The following RRP1B variants were observed in gnomAD, a reference collection of about 807,000 sequenced individuals.
RRP1B encodes the protein ribosomal RNA processing 1B.
RRP1B carries 56 observed loss-of-function variants against 80.2 expected under a neutral mutation model. The ratio of observed to expected loss-of-function variants is 0.70; its 90% CI spans 0.56 to 0.87. The LOEUF is 0.87. RRP1B is among the 40% of genes least tolerant of loss of function. The pLI is 0.00. For missense variants in RRP1B, 807 were observed against 939.8 expected, an observed-to-expected ratio of 0.86 and a Z score of 1.85; for synonymous variants, 351 against 357.6, an observed-to-expected ratio of 0.98 and a Z score of 0.21.
At position 43,663,327 on chromosome 21, in the gene RRP1B, G is replaced by A. The variant is rs998854910; in HGVS notation, c.130+3533G>A. ...TTCACCCAGGCTGAAGTGCAACAGC[G>A]CGATCTCTGCTAACTGCAACCTCCA... On this transcript the variant is annotated intron_variant, in intron 1 of 15. Coordinates refer to ENST00000340648, the MANE Select transcript of RRP1B (RefSeq NM_015056.3). Among the ~76,000 whole-genome samples, 4 of 152,130 alleles carry A rather than the reference G, an allele frequency of 2.6e-5. No homozygotes were observed. In the East Asian group the frequency reaches 5.8e-4, roughly 22 times the overall value.
rs930165378 is a variant in RRP1B at position 43,695,238 on chromosome 21, A to T, written c.*1855A>T. 6.6e-6 allele frequency: 1 copy of T among 152,188 alleles called. No individual in the cohort carries two copies. Among genetic ancestry groups the T allele is most frequent in the Non-Finnish European group, 1.5e-5 (1 of 68,040 alleles). 9.4% of individuals were successfully genotyped at this position (152,188 alleles called of 1,614,324 possible). A position where few individuals can be genotyped will look rare whatever the true frequency, so the allele number is the denominator to read the frequency against. On this transcript the variant is annotated 3_prime_UTR_variant, in exon 16 of 16. Transcript: ENST00000340648. ...TCTAACAATTTTTATTTCAGCTTTA[A>T]AGATGGGTCATATAGCCAAACGGGC...
intron 13 of RRP1B, 44 bp downstream of exon 13, chr21:43,688,284 C>T: frequency 6.8e-7 from 1 of 1,480,630 alleles, no homozygotes; most frequent in African/African-American, 1.4e-5. Context: ...CAGAGGCACT[C>T]ACTCGCGTCC....
chr21:43,680,280 C>T (rs1410250630), intron 8 of RRP1B, among the ~76,000 whole-genome samples: 1 of 152,140 alleles, frequency 6.6e-6, no homozygotes, highest in African/African-American at 2.4e-5. Flanking sequence ...ACAGGGTCGG[C>T]CGGGCGCGGT....
chr21:43,693,503 G>C lies in RRP1B; in HGVS notation c.*120G>C. On this transcript the variant is annotated 3_prime_UTR_variant, in exon 16 of 16. Transcript: ENST00000340648. This position sits in a 1 kb window ranked among gnomAD's most constrained non-coding sequence, Gnocchi z 4.1. ...AGTTCCCATAAGTTGTGTGCACGAG[G>C]TTCTGAGAGTGCCCGCAGGCTGCTG... 2.9e-6 allele frequency: 3 copies of C among 1,018,694 alleles called. No individual in the cohort carries two copies. Among genetic ancestry groups the C allele is most frequent in the East Asian group, 2.8e-5 (1 of 35,144 alleles). The allele number at this position is 1,018,694 out of a possible 1,614,324, so 63.1% of individuals were successfully genotyped here. A position where few individuals can be genotyped will look rare whatever the true frequency, so the allele number is the denominator to read the frequency against.
intron 1 of RRP1B, among the ~76,000 whole-genome samples, chr21:43,662,648 C>CA (rs2082962161): frequency 6.6e-6 from 1 of 151,964 alleles, no homozygotes; most frequent in East Asian, 1.9e-4. Flanking sequence ...CTTTAAGTAA[C>CA]AGTGTTGCGC....
intron 1 of RRP1B, among the ~76,000 whole-genome samples, chr21:43,666,514 T>C (rs563866250): frequency 1.9e-4 from 29 of 152,162 alleles, no homozygotes; most frequent in Admixed American, 8.5e-4. Flanking sequence ...GTCAAGAGAC[T>C]GAGACCATCC....
Position 43,693,452 on chromosome 21 carries a change from T to C in RRP1B, c.*69T>C. On this transcript the variant is annotated 3_prime_UTR_variant, in exon 16 of 16. Coordinates refer to ENST00000340648, the MANE Select transcript of RRP1B (RefSeq NM_015056.3). The surrounding 1 kb of genome is among the most constrained non-coding windows in gnomAD (Gnocchi z 4.1). ...GCGCTATAAATTATACCTTTAAGAA[T>C]GTGGGGCCTTTTTTATGATTTTGTA... The C allele has an allele frequency of 7.3e-7, 1 of 1,369,566 alleles. No homozygotes were observed. The highest frequency in any genetic ancestry group is 9.7e-7 in the Non-Finnish European group (1 of 1,035,568). The allele number at this position is 1,369,566 out of a possible 1,614,324, so 84.8% of individuals were successfully genotyped here. A position where few individuals can be genotyped will look rare whatever the true frequency, so the allele number is the denominator to read the frequency against.
Position 43,687,739 on chromosome 21 carries a change from G to A in RRP1B, c.1365G>A (p.Gly455=), listed in dbSNP as rs1171964646. Residue 455 remains glycine (G), a synonymous_variant, in exon 13 of 16, where the codon GGG becomes GGA. Transcript: ENST00000340648. The stretch of plus-strand genomic sequence containing the variant: ...GTGCAGAGGCCACGTCCAGCACTGG[G>A]GAGGAGAGTGGCTCCGAGCATCCTC... The part of the protein sequence containing the change: ...EPGAEATSST[G]EESGSEHPPA... 1 of 1,613,254 alleles carries A rather than the reference G, an allele frequency of 6.2e-7. No homozygotes were observed. Among genetic ancestry groups the A allele is most frequent in the Non-Finnish European group, 8.5e-7 (1 of 1,180,000 alleles).
At chr21:43,664,403 A>G (rs1431539536) in intron 1 of RRP1B, among the ~76,000 whole-genome samples, 1 of 152,140 alleles carries the variant, frequency 6.6e-6, no homozygotes, top group Non-Finnish European at 1.5e-5. Flanking sequence ...AAGTGAGACA[A>G]TTATTATTGT....
At chr21:43,675,232 A>G in intron 6 of RRP1B, 69 bp downstream of exon 6, 15 of 1,528,868 alleles carry the variant, frequency 9.8e-6, no homozygotes, top group Non-Finnish European at 1.3e-5. Flanking sequence ...TCGCCAGTGA[A>G]GTGCTGTGGG....
intron 8 of RRP1B, among the ~76,000 whole-genome samples, chr21:43,677,626 A>T (rs1312615608): frequency 6.6e-6 from 1 of 152,260 alleles, no homozygotes; most frequent in Non-Finnish European, 1.5e-5. Flanking sequence ...AAAGCAGGGT[A>T]CAAACTCTAC....
intron 14 of RRP1B, 51 bp downstream of exon 14, chr21:43,690,491 A>G: frequency 6.3e-7 from 1 of 1,591,832 alleles, no homozygotes; most frequent in Non-Finnish European, 8.6e-7. Flanking sequence ...AAGGGCACAG[A>G]TGGGCTTGAG....
intron 5 of RRP1B, 132 bp from the exon 6 acceptor site, chr21:43,674,902 T>A: frequency 1.5e-6 from 2 of 1,302,112 alleles, no homozygotes; most frequent in Non-Finnish European, 2.1e-6. Context: ...GCTTTTTTCC[T>A]TGTAAAATGA....
At chr21:43,667,102 T>C (rs1467353300) in intron 1 of RRP1B, among the ~76,000 whole-genome samples, 1 of 152,200 alleles carries the variant, frequency 6.6e-6, no homozygotes, top group Non-Finnish European at 1.5e-5. Context: ...GCGTTCTTCC[T>C]GTTGGCATCA....
chr21:43,684,592 A>G lies in RRP1B; in HGVS notation c.931A>G (p.Thr311Ala), dbSNP rs867276334. 6.2e-7 allele frequency: 1 copy of G among 1,614,154 alleles called. No homozygotes were observed. The highest frequency in any genetic ancestry group is 8.5e-7 in the Non-Finnish European group (1 of 1,180,032). ...KAVADRLLEMTSRKNTPHFNR... is the reference protein window; with the variant it reads ...KAVADRLLEMASRKNTPHFNR... ...TGTTGCTGATCGACTCCTGGAAATG[A>G]CCAGCAGGAAGAACACGCCCCACTT... is the stretch of plus-strand genomic sequence containing the variant. Residue 311 changes from threonine to alanine, a missense_variant, in exon 10 of 16, where the codon ACC becomes GCC. Physicochemically the swap from Thr to Ala is moderately conservative, Grantham distance 58 (BLOSUM62 0). Transcript: ENST00000340648.
At chr21:43,690,517 A>G in intron 14 of RRP1B, 77 bp downstream of exon 14, 3 of 1,516,342 alleles carry the variant, frequency 2.0e-6, no homozygotes, top group Non-Finnish European at 2.7e-6. Flanking sequence ...AGTGCTTCCC[A>G]TGCCGGGCCT....
chr21:43,681,394 C>T (rs1259650222), intron 8 of RRP1B, among the ~76,000 whole-genome samples: 10 of 145,440 alleles, frequency 6.9e-5, no homozygotes, highest in Non-Finnish European at 1.2e-4. Context: ...TCGCTCTTGT[C>T]GCCCAGGCTG....
chr21:43,675,418 C>G lies in RRP1B; in HGVS notation c.549+255C>G, dbSNP rs1392615023. On this transcript the variant is annotated intron_variant, in intron 6 of 15. Coordinates refer to ENST00000340648, the MANE Select transcript of RRP1B (RefSeq NM_015056.3). Reference sequence around the variant, plus strand: ...GACTCCACTAAAGAACTCACTAACACGGGGGAGTACTCAGGATCTAGGGAG... The same window carrying G: ...GACTCCACTAAAGAACTCACTAACAGGGGGGAGTACTCAGGATCTAGGGAG... Among the ~76,000 whole-genome samples the G allele has an allele frequency of 3.3e-5, 5 of 152,026 alleles. No homozygotes were observed. The South Asian group carries it at 1.0e-3, about 32-fold the overall frequency.
At chr21:43,662,441 C>G (rs898182336) in intron 1 of RRP1B, among the ~76,000 whole-genome samples, 2 of 152,228 alleles carry the variant, frequency 1.3e-5, no homozygotes, top group Admixed American at 1.3e-4. Context: ...TATGCCCCAT[C>G]ACAATTACAG....
Sources: gnomAD v4.1 joint callset for allele counts (sites outside exome capture counted in the v4.1 genomes callset) on GRCh38, gnomAD v4.1.1 for gene constraint, Gnocchi (gnomAD v3.1) non-coding constraint, MANE v1.5 for transcripts, NCBI Gene and HGNC (gene_info 2026-07-23, HGNC 2026-07-21) for gene names.